RPA3: variants seen among roughly 807,000 people sequenced by gnomAD.
RPA3 encodes the protein replication protein A3, also known as replication protein A 14 kDa subunit.
RPA3 carries 24 observed loss-of-function variants against 13.7 expected under a neutral mutation model. The observed-to-expected ratio is 1.75, with a 90% confidence interval of 1.27 to 2.46. The LOEUF is 2.46. RPA3 is among the 30% of genes most tolerant of loss of function. The pLI, the probability that RPA3 is intolerant of heterozygous loss-of-function variation, is 0.00. For missense variants in RPA3, 183 were observed against 151.0 expected (o/e 1.21, Z -1.11); for synonymous variants, 59 against 51.2 (o/e 1.15, Z -0.65).
intron 4 of RPA3, among the ~76,000 whole-genome samples, chr7:7,654,519 G>C (rs1169743886): frequency 6.6e-6 from 1 of 152,150 alleles, no homozygotes; most frequent in African/African-American, 2.4e-5. Context: ...TTATTAAATG[G>C]TATAGTATTT....
chr7:7,659,210 T>C (rs1418570490), intron 4 of RPA3, among the ~76,000 whole-genome samples: 1 of 152,186 alleles, frequency 6.6e-6, no homozygotes, highest in Non-Finnish European at 1.5e-5. Flanking sequence ...TCTTTATTGG[T>C]CTTGCTAGCA....
intron 4 of RPA3, among the ~76,000 whole-genome samples, chr7:7,643,572 C>T (rs1195592162): frequency 1.3e-5 from 2 of 152,084 alleles, no homozygotes; most frequent in Non-Finnish European, 2.9e-5. Flanking sequence ...AGTATCCAGG[C>T]GCGATGGCGG....
At chr7:7,646,296 G>C (rs551940230) in intron 4 of RPA3, among the ~76,000 whole-genome samples, 4 of 87,904 alleles carry the variant, frequency 4.6e-5, no homozygotes, top group African/African-American at 1.6e-4. Context: ...ATGGTGATAC[G>C]GTTTGGCTGT....
At chr7:7,700,842 T>C (rs1044803639) in intron 2 of RPA3, among the ~76,000 whole-genome samples, 2 of 151,772 alleles carry the variant, frequency 1.3e-5, no homozygotes, top group Admixed American at 1.3e-4. Context: ...GAGCTGAGAA[T>C]GTGCCACTGA....
intron 4 of RPA3, among the ~76,000 whole-genome samples, chr7:7,672,281 AGTT>A (rs915060113): frequency 2.4e-4 from 37 of 152,232 alleles, no homozygotes; most frequent in African/African-American, 8.2e-4. Context: ...CTTTCTCCCC[AGTT>A]GTTTTCTAGA....
At chr7:7,671,319 G>T (rs1412831467) in intron 4 of RPA3, among the ~76,000 whole-genome samples, 5 of 151,976 alleles carry the variant, frequency 3.3e-5, no homozygotes. Flanking sequence ...TTTATTTGAG[G>T]ATATCTTGGC....
intron 4 of RPA3, among the ~76,000 whole-genome samples, chr7:7,672,251 TC>T (rs1302341004): frequency 6.6e-6 from 1 of 152,186 alleles, no homozygotes; most frequent in Non-Finnish European, 1.5e-5. Flanking sequence ...ATCCTATGTG[TC>T]CTTGCAAGTA....
chr7:7,689,615 C>T (rs779048334), intron 2 of RPA3, among the ~76,000 whole-genome samples: 94 of 152,078 alleles, frequency 6.2e-4, no homozygotes, highest in Non-Finnish European at 1.2e-3. Context: ...GTTTTTCATG[C>T]CCAGACTTCA....
At chr7:7,673,355 CA>C (rs1779657410) in intron 4 of RPA3, 2 of 1,284,724 alleles carry the variant, frequency 1.6e-6, no homozygotes, top group African/African-American at 1.5e-5. Flanking sequence ...GCAGCAGCAG[CA>C]GCAGCAGCAG....
chr7:7,674,281 CT>C (rs1266688154), intron 4 of RPA3, among the ~76,000 whole-genome samples: 2 of 152,276 alleles, frequency 1.3e-5, no homozygotes, highest in East Asian at 3.9e-4. Flanking sequence ...GGTTTCCTAC[CT>C]CTTACTTCCT....
chr7:7,664,998 T>C (rs928837619), intron 4 of RPA3, among the ~76,000 whole-genome samples: 1 of 141,252 alleles, frequency 7.1e-6, no homozygotes, highest in East Asian at 2.0e-4. Flanking sequence ...GTGGGTGATA[T>C]ATAGATATAT....
chr7:7,706,600 C>A (rs577507204), intron 2 of RPA3, among the ~76,000 whole-genome samples: 1 of 152,088 alleles, frequency 6.6e-6, no homozygotes, highest in Non-Finnish European at 1.5e-5. Flanking sequence ...CATCCAAAGG[C>A]ACATACTAGT....
chr7:7,698,038 A>C (rs942244827), intron 2 of RPA3, among the ~76,000 whole-genome samples: 1 of 152,140 alleles, frequency 6.6e-6, no homozygotes, highest in Non-Finnish European at 1.5e-5. Context: ...TTTTAATTAG[A>C]AATAGAGAAT....
chr7:7,639,011 C>T (rs950714538), intron 6 of RPA3, 59 bp downstream of exon 6: 2 of 1,327,834 alleles, frequency 1.5e-6, no homozygotes, highest in African/African-American at 1.5e-5. Context: ...GGCAACAAAC[C>T]AAATCAAGAT....
intron 4 of RPA3, among the ~76,000 whole-genome samples, chr7:7,648,063 G>A (rs1294125153): frequency 6.6e-6 from 1 of 152,178 alleles, no homozygotes; most frequent in African/African-American, 2.4e-5. Context: ...TTCTTTTGTA[G>A]CTTAGCTGAC....
chr7:7,716,945 G>A (rs768908657), intron 1 of RPA3, among the ~76,000 whole-genome samples: 6 of 152,102 alleles, frequency 3.9e-5, no homozygotes, highest in Admixed American at 2.0e-4. Context: ...ATCAGACACC[G>A]CCTCCTATAA....
At chr7:7,675,810 C>T (rs1779725055) in intron 4 of RPA3, among the ~76,000 whole-genome samples, 1 of 152,190 alleles carries the variant, frequency 6.6e-6, no homozygotes, top group Non-Finnish European at 1.5e-5. Context: ...GCAGCTGGTG[C>T]TGTACCTGGT....
At chr7:7,713,721 A>G (rs1780822980) in intron 2 of RPA3, among the ~76,000 whole-genome samples, 1 of 152,086 alleles carries the variant, frequency 6.6e-6, no homozygotes, top group African/African-American at 2.4e-5. Context: ...TAATATGTTC[A>G]TTAATAATGC....
chr7:7,662,085 T>G (rs2115091760), intron 4 of RPA3, among the ~76,000 whole-genome samples: 1 of 152,300 alleles, frequency 6.6e-6, no homozygotes, highest in African/African-American at 2.4e-5. Context: ...AGTTGGATCT[T>G]TCCCGGCATC....
Sources: gnomAD v4.1 joint callset for allele counts (sites outside exome capture counted in the v4.1 genomes callset) on GRCh38, gnomAD v4.1.1 for gene constraint, MANE v1.5 for transcripts, NCBI Gene and HGNC (gene_info 2026-07-23, HGNC 2026-07-21) for gene names.